PCBP3: variants seen among roughly 807,000 people sequenced by gnomAD.
PCBP3 encodes the protein poly(rC)-binding protein 3.
PCBP3 carries 25 observed loss-of-function variants against 52.7 expected under a neutral mutation model. That is an observed-to-expected ratio of 0.47 (90% CI 0.35 to 0.66). The LOEUF is 0.66. Among genes scored for constraint, PCBP3 ranks in the 30% least tolerant of loss-of-function variants. PCBP3 has a pLI of 0.01. For synonymous variants in PCBP3, 162 were observed against 183.0 expected, an observed-to-expected ratio of 0.89 and a Z score of 0.93; for missense variants, 391 against 490.3, an observed-to-expected ratio of 0.80 and a Z score of 1.91.
intron 4 of PCBP3, among the ~76,000 whole-genome samples, chr21:45,832,103 C>G (rs968182301): frequency 1.7e-4 from 26 of 152,098 alleles, no homozygotes; most frequent in Non-Finnish European, 2.6e-4. Flanking sequence ...TTTTATGGTT[C>G]TTGATTGTAT....
intron 2 of PCBP3, among the ~76,000 whole-genome samples, chr21:45,713,000 C>T (rs988615491): frequency 1.1e-4 from 17 of 152,132 alleles, no homozygotes; most frequent in African/African-American, 3.9e-4. Context: ...GTTGGGATTA[C>T]AGGTGTGAGC....
rs564692217 is a variant in PCBP3, at chr21:45,737,993, G to T, written c.-162+2564G>T. ...TCCTGAGAGAGAGCGATGAATGTAG[G>T]CCTCCATGGAGAAGCACAGGTGCCT... On this transcript the variant is annotated intron_variant, in intron 3 of 17. Transcript: ENST00000681687. The surrounding 1 kb of genome is among the most constrained non-coding windows in gnomAD (Gnocchi z 4.9). 2.4e-4 allele frequency among the ~76,000 whole-genome samples: 37 copies of T among 152,114 alleles called. No homozygotes were observed. The highest frequency in any genetic ancestry group is 3.7e-4 in the Non-Finnish European group (25 of 68,036).
chr21:45,863,150 G>C (rs1023551035), intron 5 of PCBP3, among the ~76,000 whole-genome samples: 2 of 152,174 alleles, frequency 1.3e-5, no homozygotes, highest in African/African-American at 4.8e-5. Flanking sequence ...GAAGAAAACA[G>C]GGAAAGGAGG....
chr21:45,934,937 G>A (rs1313585104), intron 15 of PCBP3, among the ~76,000 whole-genome samples: 1 of 152,208 alleles, frequency 6.6e-6, no homozygotes, highest in African/African-American at 2.4e-5. Context: ...CACCAGGGTG[G>A]CTTTCCAAGG....
chr21:45,692,213 G>C (rs2082524681), intron 2 of PCBP3, among the ~76,000 whole-genome samples: 1 of 152,132 alleles, frequency 6.6e-6, no homozygotes, highest in African/African-American at 2.4e-5. Context: ...TTTCTAAACA[G>C]AGACCTTAGG....
At chr21:45,705,615 C>T (rs2083400399) in intron 2 of PCBP3, among the ~76,000 whole-genome samples, 1 of 152,130 alleles carries the variant, frequency 6.6e-6, no homozygotes, top group East Asian at 1.9e-4. Flanking sequence ...AGTGTGGACC[C>T]AAACAGGGAA....
Position 45,904,977 on chromosome 21 carries a change from A to G in PCBP3, c.339+3864A>G, listed in dbSNP as rs1423888270. On this transcript the variant is annotated intron_variant, in intron 9 of 17. Transcript: ENST00000681687. This position sits in a 1 kb window ranked among gnomAD's most constrained non-coding sequence, Gnocchi z 4.8. The stretch of plus-strand genomic sequence containing the variant: ...TCATCAATTTGTCTACAGCATGATG[A>G]GTAGTTTCATGGATTGACTTAGCGA... Among the ~76,000 whole-genome samples the G allele has an allele frequency of 1.3e-5, 2 of 152,232 alleles. No individual in the cohort carries two copies. Among genetic ancestry groups the G allele is most frequent in the African/African-American group, 4.8e-5 (2 of 41,466 alleles).
intron 1 of PCBP3, among the ~76,000 whole-genome samples, chr21:45,667,278 G>A (rs949471868): frequency 6.6e-6 from 1 of 151,444 alleles, no homozygotes; most frequent in African/African-American, 2.4e-5. Context: ...AAAATGTTGG[G>A]ATTACAGGTG....
intron 1 of PCBP3, among the ~76,000 whole-genome samples, chr21:45,666,617 G>A (rs766134395): frequency 5.9e-5 from 9 of 151,944 alleles, no homozygotes; most frequent in Non-Finnish European, 7.4e-5. Flanking sequence ...AATTTTTCTG[G>A]ATATAGAATT....
At chr21:45,661,799 C>T (rs538658305) in intron 1 of PCBP3, among the ~76,000 whole-genome samples, 1 of 152,168 alleles carries the variant, frequency 6.6e-6, no homozygotes, top group Non-Finnish European at 1.5e-5. Flanking sequence ...TACTTGCCAA[C>T]ATCTGTCATT....
chr21:45,681,501 G>A (rs535545651), intron 2 of PCBP3, among the ~76,000 whole-genome samples: 2 of 152,176 alleles, frequency 1.3e-5, no homozygotes, highest in African/African-American at 2.4e-5. Flanking sequence ...AGTGTCGTAA[G>A]TGAAAAATGC....
At chr21:45,645,277 A>G (rs754250123) in intron 1 of PCBP3, among the ~76,000 whole-genome samples, 3 of 152,048 alleles carry the variant, frequency 2.0e-5, no homozygotes, top group Non-Finnish European at 4.4e-5. Flanking sequence ...TGTTGTTTAT[A>G]CAGTGCAAGT....
intron 4 of PCBP3, among the ~76,000 whole-genome samples, chr21:45,832,333 GTTTTATCAGCAGGGTC>G (rs2093472112): frequency 6.6e-6 from 1 of 152,166 alleles, no homozygotes; most frequent in Non-Finnish European, 1.5e-5. Flanking sequence ...ACTGCAACCT[GTTTTATCAGCAGGGTC>G]TTTATGACCC....
At chr21:45,888,108 C>T (rs527562973) in intron 5 of PCBP3, among the ~76,000 whole-genome samples, 27 of 152,340 alleles carry the variant, frequency 1.8e-4, no homozygotes, top group Admixed American at 7.2e-4. Flanking sequence ...TGGCCGTGTA[C>T]GAATCCCAGG....
chr21:45,722,662 A>C (rs75344828), intron 2 of PCBP3, among the ~76,000 whole-genome samples: 1 of 152,096 alleles, frequency 6.6e-6, no homozygotes, highest in Non-Finnish European at 1.5e-5. Context: ...GATTTACTAC[A>C]CTTTCTTAGC....
At chr21:45,730,551 G>T (rs898766121) in intron 2 of PCBP3, among the ~76,000 whole-genome samples, 16 of 151,982 alleles carry the variant, frequency 1.1e-4, no homozygotes, top group Non-Finnish European at 2.2e-4. Flanking sequence ...AAATAATGTT[G>T]GATGATAATG....
intron 2 of PCBP3, among the ~76,000 whole-genome samples, chr21:45,680,630 A>T (rs1264584273): frequency 6.6e-6 from 1 of 152,202 alleles, no homozygotes; most frequent in Admixed American, 6.5e-5. Flanking sequence ...TAGATAATCA[A>T]GTCACCTGCA....
At chr21:45,913,538 G>T (rs1009173076) in intron 11 of PCBP3, among the ~76,000 whole-genome samples, 2 of 152,168 alleles carry the variant, frequency 1.3e-5, no homozygotes, top group Non-Finnish European at 1.5e-5. Context: ...GGCCAGCACC[G>T]CAGGGGGCCG....
At chr21:45,934,870 G>C (rs771613310) in intron 15 of PCBP3, among the ~76,000 whole-genome samples, 1 of 152,214 alleles carries the variant, frequency 6.6e-6, no homozygotes, top group African/African-American at 2.4e-5. Flanking sequence ...CTGTGCCCTG[G>C]GTGCTGCACA....
Sources: allele counts gnomAD v4.1 joint callset (sites outside exome capture counted in the v4.1 genomes callset), GRCh38; gene constraint gnomAD v4.1.1; non-coding constraint Gnocchi (gnomAD v3.1); transcripts MANE v1.5; gene names NCBI Gene and HGNC (gene_info 2026-07-23, HGNC 2026-07-21).